Variants in DZANK1 observed in about 807,000 individuals in gnomAD.
DZANK1 encodes the protein double zinc ribbon and ankyrin repeat domains 1.
In DZANK1, 91 loss-of-function variants were observed where a neutral mutation model predicts 94.5. The ratio of observed to expected loss-of-function variants is 0.96; its 90% CI spans 0.81 to 1.15. The LOEUF (loss-of-function observed/expected upper bound fraction) is 1.15, where lower values mean the gene tolerates loss of function less well. DZANK1 is among the 50% of genes most tolerant of loss of function. The pLI, the probability that DZANK1 is intolerant of heterozygous loss-of-function variation, is 0.00. For missense variants in DZANK1, 903 were observed against 916.4 expected, an observed-to-expected ratio of 0.99 and a Z score of 0.19; for synonymous variants, 312 against 325.3, an observed-to-expected ratio of 0.96 and a Z score of 0.44.
intron 13 of DZANK1, among the ~76,000 whole-genome samples, chr20:18,404,455 T>G (rs1052592234): frequency 2.6e-5 from 4 of 152,112 alleles, no homozygotes; most frequent in African/African-American, 9.7e-5. Context: ...AGAAGCTTCA[T>G]ACTGTGGGGG....
intron 15 of DZANK1, 87 bp downstream of exon 15, chr20:18,396,385 A>G (rs2295069): frequency 0.097 from 108,539 of 1,116,614 alleles, 5,922 homozygotes; most frequent in African/African-American, 0.16. Flanking sequence ...TTTCCTTTCT[A>G]TGGATTACAC....
intron 13 of DZANK1, among the ~76,000 whole-genome samples, chr20:18,409,168 A>T (rs1037164716): frequency 7.8e-4 from 118 of 152,204 alleles, no homozygotes; most frequent in African/African-American, 2.8e-3. Context: ...TTTTTTAAAT[A>T]AAAAATTTAA....
chr20:18,418,468 C>T (rs1231205534), intron 10 of DZANK1, among the ~76,000 whole-genome samples: 1 of 152,194 alleles, frequency 6.6e-6, no homozygotes, highest in Non-Finnish European at 1.5e-5. Flanking sequence ...GGAGACCAAA[C>T]TTTCTGTCCC....
intron 6 of DZANK1, chr20:18,451,797 C>A (rs1307381534): frequency 6.2e-6 from 3 of 481,752 alleles, no homozygotes; most frequent in Non-Finnish European, 1.2e-5. Flanking sequence ...TCAGCAAAGC[C>A]CGCCTCCTAT....
intron 16 of DZANK1, 135 bp downstream of exon 16, chr20:18,394,119 A>G (rs913369169): frequency 3.9e-6 from 3 of 768,378 alleles, no homozygotes; most frequent in Non-Finnish European, 6.2e-6. Flanking sequence ...GAGAAGCCAG[A>G]GAAATAAAAC....
Position 18,406,046 on chromosome 20 carries a change from T to G in DZANK1, c.1432+6600A>C, listed in dbSNP as rs374872961. ...ATTGCTCATCCTAGTGGTCTGAACT[T>G]GAATTTCTCAGCAAGCCTCGCCACT... On this transcript the variant is annotated intron_variant, in intron 13 of 20. Transcript: ENST00000262547. Among the ~76,000 whole-genome samples the G allele has an allele frequency of 7.2e-5, 11 of 152,378 alleles. No homozygotes were observed. In the East Asian group the frequency reaches 1.7e-3, roughly 24 times the overall value.
At chr20:18,389,564 T>C in intron 19 of DZANK1, 137 bp downstream of exon 19, 2 of 1,288,426 alleles carry the variant, frequency 1.6e-6, no homozygotes, top group East Asian at 2.5e-5. Context: ...AGCCTCTTAT[T>C]AAAGCTGAAA....
intron 6 of DZANK1, among the ~76,000 whole-genome samples, chr20:18,450,922 T>A (rs1056038635): frequency 6.6e-6 from 1 of 152,198 alleles, no homozygotes; most frequent in African/African-American, 2.4e-5. Flanking sequence ...GTAGTAAGAA[T>A]GCACTGATAT....
At chr20:18,455,893 C>T (rs2059270338) in intron 3 of DZANK1, among the ~76,000 whole-genome samples, 2 of 152,146 alleles carry the variant, frequency 1.3e-5, no homozygotes, top group African/African-American at 4.8e-5. Context: ...CCTGACTACC[C>T]CAATCCCCTG....
intron 10 of DZANK1, among the ~76,000 whole-genome samples, chr20:18,418,407 T>G (rs1428386270): frequency 2.0e-5 from 3 of 152,172 alleles, no homozygotes; most frequent in Non-Finnish European, 2.9e-5. Context: ...TTGAACAACA[T>G]ATGTACAGAA....
At chr20:18,418,384 C>A (rs2057604669) in intron 10 of DZANK1, among the ~76,000 whole-genome samples, 1 of 152,170 alleles carries the variant, frequency 6.6e-6, no homozygotes, top group Non-Finnish European at 1.5e-5. Flanking sequence ...GTATTCAGAT[C>A]TTTTACCAAT....
intron 13 of DZANK1, among the ~76,000 whole-genome samples, chr20:18,401,468 T>G (rs2148327756): frequency 6.6e-6 from 1 of 152,384 alleles, no homozygotes; most frequent in Middle Eastern, 3.4e-3. Context: ...ACCACTTTAC[T>G]GCCCATACTT....
chr20:18,388,685 T>C (rs955049390), intron 19 of DZANK1, among the ~76,000 whole-genome samples: 1 of 152,010 alleles, frequency 6.6e-6, no homozygotes, highest in Non-Finnish European at 1.5e-5. Flanking sequence ...CTTGAGAAAA[T>C]AAATTCCAAG....
intron 7 of DZANK1, among the ~76,000 whole-genome samples, chr20:18,448,319 T>C (rs1177325797): frequency 2.6e-5 from 4 of 152,196 alleles, no homozygotes; most frequent in African/African-American, 7.2e-5. Context: ...CGTTGACATA[T>C]TGAATCACAT....
In DZANK1 at chr20:18,417,034, C is replaced by CAAAA. The variant is rs55889297; in HGVS notation, c.955-1589_955-1586dup. Among the ~76,000 whole-genome samples the CAAAA allele has an allele frequency of 2.0e-3, 284 of 139,938 alleles. 2 individuals are homozygous for CAAAA. Among genetic ancestry groups the CAAAA allele is most frequent in the Middle Eastern group, 3.8e-3 (1 of 266 alleles). The allele number at this position is 139,938 out of a possible 152,430, so 91.8% of individuals were successfully genotyped here. A position where few individuals can be genotyped will look rare whatever the true frequency, so the allele number is the denominator to read the frequency against. On this transcript the variant is annotated intron_variant, in intron 10 of 20. Coordinates refer to ENST00000262547, the Ensembl canonical transcript of DZANK1. ...TACTGATCAAAAAAACAAAAAAAAA[C>CAAAA]AAAAAAAAAAAAGAAGAGAAAGAAA... is the stretch of plus-strand genomic sequence containing the variant.
At chr20:18,462,653 G>GT (rs2059509631) in intron 2 of DZANK1, among the ~76,000 whole-genome samples, 1 of 152,174 alleles carries the variant, frequency 6.6e-6, no homozygotes, top group South Asian at 2.1e-4. Flanking sequence ...TGGCAGGGAT[G>GT]TAAGTTAATT....
intron 10 of DZANK1, among the ~76,000 whole-genome samples, chr20:18,423,823 T>C (rs1381087327): frequency 1.3e-5 from 2 of 152,058 alleles, no homozygotes; most frequent in Non-Finnish European, 2.9e-5. Flanking sequence ...ATAGTTTGTG[T>C]TAGAAAATAA....
intron 10 of DZANK1, among the ~76,000 whole-genome samples, chr20:18,425,858 G>A (rs1187856546): frequency 6.6e-6 from 1 of 152,198 alleles, no homozygotes; most frequent in Non-Finnish European, 1.5e-5. Context: ...GAAGCCAAGG[G>A]AAGTTTGAGG....
At chr20:18,452,623 G>C in exon 6 of DZANK1, 2 of 1,589,032 alleles carry the variant, frequency 1.3e-6, no homozygotes, top group South Asian at 2.3e-5. Flanking sequence ...ACCTGGGACT[G>C]GCGGGTGGGT....
Sources: allele counts gnomAD v4.1 joint callset (sites outside exome capture counted in the v4.1 genomes callset), GRCh38; gene constraint gnomAD v4.1.1; transcripts MANE v1.5; gene names NCBI Gene and HGNC (gene_info 2026-07-23, HGNC 2026-07-21).